Variants in ATP8A2 observed in about 807,000 individuals in gnomAD.
ATP8A2 encodes the protein phospholipid-transporting ATPase IB.
ATP8A2 carries 100 observed loss-of-function variants against 165.6 expected under a neutral mutation model. The ratio of observed to expected loss-of-function variants is 0.60; its 90% CI spans 0.51 to 0.71. ATP8A2 has a LOEUF of 0.71. Among genes scored for constraint, ATP8A2 ranks in the 30% least tolerant of loss-of-function variants. The probability of loss-of-function intolerance (pLI) is 0.00; values close to 1 mark genes in which losing one functional copy is unlikely to be tolerated. For synonymous variants in ATP8A2, 543 were observed against 548.8 expected (o/e 0.99, Z 0.15); for missense variants, 1,227 against 1,479.5 (o/e 0.83, Z 2.80).
intron 1 of ATP8A2, among the ~76,000 whole-genome samples, chr13:25,405,785 C>T (rs999788623): frequency 6.6e-6 from 1 of 152,182 alleles, no homozygotes. Context: ...TGTTTTTAGG[C>T]TAGACAGTGC....
In ATP8A2 at chr13:25,923,370, G is replaced by C. The variant is rs142570456; in HGVS notation, c.3184-38205G>C. Among the ~76,000 whole-genome samples the C allele has an allele frequency of 1.5e-3, 224 of 152,290 alleles. 2 individuals are homozygous for C. In the East Asian group the frequency reaches 0.023, roughly 16 times the overall value. On this transcript the variant is annotated intron_variant, in intron 33 of 36. Transcript: ENST00000381655. ...ACCGCAAGACATTTGGGACAGAAAG[G>C]GTAAGCTGCAGTCCACAGCTGTAGA...
chr13:25,829,056 T>A (rs866602659), intron 28 of ATP8A2, among the ~76,000 whole-genome samples: 34 of 152,202 alleles, frequency 2.2e-4, no homozygotes, highest in African/African-American at 7.5e-4. Flanking sequence ...CACTGGTGGC[T>A]AGATATTTAA....
rs934050344 is a variant in ATP8A2 at position 25,750,713 on chromosome 13, C to T, written c.2385-18333C>T. Among the ~76,000 whole-genome samples, 1 of 152,020 alleles carries T rather than the reference C, an allele frequency of 6.6e-6. No homozygotes were observed. Among genetic ancestry groups the T allele is most frequent in the Non-Finnish European group, 1.5e-5 (1 of 68,022 alleles). The stretch of plus-strand genomic sequence containing the variant: ...GTGTAGTTTTGGCATCGAGTTTATA[C>T]GAGCACATGGGCATCAAAAAGCTTG... On this transcript the variant is annotated intron_variant, in intron 25 of 36. Transcript: ENST00000381655. The surrounding 1 kb of genome is among the most constrained non-coding windows in gnomAD (Gnocchi z 4.3).
intron 3 of ATP8A2, 26 bp from the exon 4 acceptor site, chr13:25,530,528 GCCAACTTC>G: frequency 7.7e-7 from 1 of 1,299,500 alleles, no homozygotes; most frequent in Non-Finnish European, 1.1e-6. Flanking sequence ...TTTTTAATGT[GCCAACTTC>G]CTACTTGTGG....
chr13:25,630,221 T>C (rs1302397217), intron 24 of ATP8A2, among the ~76,000 whole-genome samples: 1 of 152,186 alleles, frequency 6.6e-6, no homozygotes, highest in Admixed American at 6.5e-5. Context: ...GATTTAAGTT[T>C]GTGGCCTTGA....
chr13:25,427,183 T>A (rs1371392725), intron 1 of ATP8A2, among the ~76,000 whole-genome samples: 1 of 152,120 alleles, frequency 6.6e-6, no homozygotes, highest in Non-Finnish European at 1.5e-5. Context: ...CCGCTCCCCA[T>A]AGCTCCCCAT....
At chr13:25,641,232 A>ATAG in intron 24 of ATP8A2, among the ~76,000 whole-genome samples, 1 of 152,240 alleles carries the variant, frequency 6.6e-6, no homozygotes, top group East Asian at 1.9e-4. Context: ...CCTATTCAAC[A>ATAG]TAGTGTTGGA....
chr13:25,756,115 T>C (rs1265787851), intron 25 of ATP8A2, among the ~76,000 whole-genome samples: 3 of 152,158 alleles, frequency 2.0e-5, no homozygotes, highest in Admixed American at 6.5e-5. Context: ...CTGGATGGTG[T>C]CCTCACAGAG....
intron 24 of ATP8A2, among the ~76,000 whole-genome samples, chr13:25,603,964 C>T (rs748766493): frequency 2.6e-5 from 4 of 151,278 alleles, no homozygotes; most frequent in Non-Finnish European, 5.9e-5. Context: ...GTAGTGTTTT[C>T]AATTCTGTGA....
chr13:25,777,071 G>T (rs568590137), intron 27 of ATP8A2, among the ~76,000 whole-genome samples: 1 of 152,046 alleles, frequency 6.6e-6, no homozygotes, highest in African/African-American at 2.4e-5. Context: ...TGCCACATGC[G>T]TGCCTCAAAT....
chr13:25,503,605 G>A (rs1036077015), intron 2 of ATP8A2, among the ~76,000 whole-genome samples: 1 of 152,172 alleles, frequency 6.6e-6, no homozygotes, highest in African/African-American at 2.4e-5. Flanking sequence ...CCTCTTGGAA[G>A]GAGTAAGATG....
intron 35 of ATP8A2, among the ~76,000 whole-genome samples, chr13:25,989,875 A>G (rs1956351005): frequency 6.6e-6 from 1 of 152,224 alleles, no homozygotes. Context: ...AGTAACTCTC[A>G]GCCACATTGT....
At chr13:25,561,075 CG>C (rs2039137520) in intron 15 of ATP8A2, among the ~76,000 whole-genome samples, 1 of 151,548 alleles carries the variant, frequency 6.6e-6, no homozygotes, top group Non-Finnish European at 1.5e-5. Context: ...TTTAGTAGAG[CG>C]GGGTTTCACC....
intron 24 of ATP8A2, among the ~76,000 whole-genome samples, chr13:25,606,261 A>G (rs1378249398): frequency 6.6e-6 from 1 of 152,078 alleles, no homozygotes; most frequent in South Asian, 2.1e-4. Context: ...TGCCTTTCCT[A>G]TTTGATGTGC....
intron 27 of ATP8A2, among the ~76,000 whole-genome samples, chr13:25,779,211 G>A (rs2044814352): frequency 6.6e-6 from 1 of 151,982 alleles, no homozygotes; most frequent in Admixed American, 6.6e-5. Flanking sequence ...TGTATGCTTT[G>A]GCGAGCTTAT....
intron 24 of ATP8A2, among the ~76,000 whole-genome samples, chr13:25,644,940 T>G (rs1337837642): frequency 6.6e-6 from 1 of 152,166 alleles, no homozygotes; most frequent in Non-Finnish European, 1.5e-5. Flanking sequence ...TGAGTCGTAT[T>G]TTGGGTTATC....
chr13:25,886,623 G>A (rs898658632), intron 33 of ATP8A2, among the ~76,000 whole-genome samples: 10 of 152,224 alleles, frequency 6.6e-5, no homozygotes, highest in South Asian at 4.1e-4. Context: ...CTCTGAGAGC[G>A]CGGCTTCGTG....
intron 13 of ATP8A2, among the ~76,000 whole-genome samples, chr13:25,556,778 T>A (rs143233965): frequency 6.6e-6 from 1 of 152,204 alleles, no homozygotes; most frequent in South Asian, 2.1e-4. Context: ...GAGTAACTTA[T>A]CGAAGGACAC....
At chr13:25,909,664 C>A (rs1593543039) in intron 33 of ATP8A2, among the ~76,000 whole-genome samples, 1 of 152,126 alleles carries the variant, frequency 6.6e-6, no homozygotes, top group African/African-American at 2.4e-5. Context: ...TACATTTTAA[C>A]CATTTTTAAG....
Sources: gnomAD v4.1 joint callset for allele counts (sites outside exome capture counted in the v4.1 genomes callset) on GRCh38, gnomAD v4.1.1 for gene constraint, Gnocchi (gnomAD v3.1) non-coding constraint, MANE v1.5 for transcripts, NCBI Gene and HGNC (gene_info 2026-07-23, HGNC 2026-07-21) for gene names.